COPS2: variants seen among roughly 807,000 people sequenced by gnomAD.
COPS2 encodes the protein COP9 signalosome subunit 2.
Under a neutral mutation model 66.1 loss-of-function variants are expected in COPS2, and 10 were observed. That is an observed-to-expected ratio of 0.15 (90% CI 0.09 to 0.26). COPS2 has a LOEUF of 0.26. Among genes scored for constraint, COPS2 ranks in the 10% least tolerant of loss-of-function variants. The pLI is 1.00. For missense variants in COPS2, 215 were observed against 513.3 expected (o/e 0.42, Z 5.62); for synonymous variants, 179 against 171.3 (o/e 1.04, Z -0.35).
At chr15:49,151,776 T>C (rs1056683451) in intron 1 of COPS2, among the ~76,000 whole-genome samples, 3 of 151,834 alleles carry the variant, frequency 2.0e-5, no homozygotes, top group East Asian at 1.9e-4. Flanking sequence ...TGATCATGCA[T>C]GTATGTTGAA....
chr15:49,133,012 G>A (rs867472631), intron 9 of COPS2, among the ~76,000 whole-genome samples: 74 of 136,018 alleles, frequency 5.4e-4, no homozygotes, highest in Middle Eastern at 4.4e-3. Context: ...TTTTTGAGAC[G>A]GAGTCTTGCT....
At chr15:49,137,590 A>G (rs1026440146) in intron 4 of COPS2, 153 bp from the exon 5 acceptor site, 66 of 581,218 alleles carry the variant, frequency 1.1e-4, no homozygotes, top group Non-Finnish European at 2.1e-5. Flanking sequence ...CCAAAAAATT[A>G]ACAAACTGAA....
chr15:49,127,042 T>C lies in COPS2; in HGVS notation c.*908A>G, dbSNP rs2084172067. ...TCATTTAGCTGTCTATGTTCTGGCA[T>C]ATTCGTTTAAAGTGAACATTCTGAG... On this transcript the variant is annotated 3_prime_UTR_variant, in exon 13 of 13. Coordinates refer to ENST00000388901, the MANE Select transcript of COPS2 (RefSeq NM_004236.4). 3 of 152,116 alleles carry C rather than the reference T, an allele frequency of 2.0e-5. No individual in the cohort carries two copies. Among genetic ancestry groups the C allele is most frequent in the Admixed American group, 2.0e-4 (3 of 15,268 alleles). 9.4% of individuals were successfully genotyped at this position (152,116 alleles called of 1,614,324 possible).
intron 1 of COPS2, among the ~76,000 whole-genome samples, chr15:49,153,245 G>A (rs774812725): frequency 1.3e-5 from 2 of 151,242 alleles, no homozygotes; most frequent in African/African-American, 2.4e-5. Context: ...GAGTAACACA[G>A]CAAAATCCCA....
At chr15:49,140,009 CAG>C (rs2084280594) in intron 3 of COPS2, among the ~76,000 whole-genome samples, 1 of 151,870 alleles carries the variant, frequency 6.6e-6, no homozygotes. Context: ...TTTTTTGAGA[CAG>C]AGTTTCACTC....
rs2084137811 is a variant in COPS2, at chr15:49,123,168, T to C, written c.*4782A>G. ...GGCAAACATTTGAACAGAAATTAGATACTCAACACTTGGCATTAATATGTT... is the reference window on the plus strand; with the variant it reads ...GGCAAACATTTGAACAGAAATTAGACACTCAACACTTGGCATTAATATGTT... On this transcript the variant is annotated 3_prime_UTR_variant, in exon 13 of 13. Transcript: ENST00000388901. 1 of 152,212 alleles carries C rather than the reference T, an allele frequency of 6.6e-6. No individual in the cohort carries two copies. Among genetic ancestry groups the C allele is most frequent in the Non-Finnish European group, 1.5e-5 (1 of 68,040 alleles). The allele number at this position is 152,212 out of a possible 1,614,324, so 9.4% of individuals were successfully genotyped here. A position where few individuals can be genotyped will look rare whatever the true frequency, so the allele number is the denominator to read the frequency against.
intron 3 of COPS2, among the ~76,000 whole-genome samples, chr15:49,139,894 T>C (rs571321175): frequency 1.3e-5 from 2 of 152,328 alleles, no homozygotes; most frequent in South Asian, 4.1e-4. Flanking sequence ...AACTGCTAAA[T>C]TTTCCAAATT....
At position 49,124,586 on chromosome 15, in the gene COPS2, T is replaced by A. The variant is rs1277209378; in HGVS notation, c.*3364A>T. On this transcript the variant is annotated 3_prime_UTR_variant, in exon 13 of 13. Transcript: ENST00000388901. Reference sequence around the variant, plus strand: ...AAACCTGATACTCCATCTCTTGTTCTGGATAGTGTTCTTAAACACTTTGAT... The same window carrying A: ...AAACCTGATACTCCATCTCTTGTTCAGGATAGTGTTCTTAAACACTTTGAT... 6.6e-6 allele frequency: 1 copy of A among 152,190 alleles called. No individual in the cohort carries two copies. Among genetic ancestry groups the A allele is most frequent in the Admixed American group, 6.5e-5 (1 of 15,282 alleles). 9.4% of individuals were successfully genotyped at this position (152,190 alleles called of 1,614,324 possible). A position where few individuals can be genotyped will look rare whatever the true frequency, so the allele number is the denominator to read the frequency against.
At chr15:49,146,071 T>C (rs2084319129) in intron 1 of COPS2, among the ~76,000 whole-genome samples, 1 of 152,188 alleles carries the variant, frequency 6.6e-6, no homozygotes, top group South Asian at 2.1e-4. Flanking sequence ...AAAAATTCTG[T>C]TACAGTCTCA....
intron 9 of COPS2, among the ~76,000 whole-genome samples, chr15:49,132,353 GCT>G (rs2084216876): frequency 6.7e-6 from 1 of 150,348 alleles, no homozygotes; most frequent in South Asian, 2.1e-4. Context: ...AAAAAAAAAC[GCT>G]TTTTTTTTTA....
chr15:49,151,746 AAC>A (rs1032007114), intron 1 of COPS2, among the ~76,000 whole-genome samples: 3 of 151,972 alleles, frequency 2.0e-5, no homozygotes, highest in African/African-American at 7.2e-5. Flanking sequence ...ATGAAAATCA[AAC>A]AGATCTTAGA....
At chr15:49,145,880 T>A (rs2084317707) in intron 1 of COPS2, among the ~76,000 whole-genome samples, 1 of 152,170 alleles carries the variant, frequency 6.6e-6, no homozygotes. Flanking sequence ...ATAATGGAAA[T>A]TATTATCTTA....
At chr15:49,138,218 C>A (rs2084267069) in intron 4 of COPS2, among the ~76,000 whole-genome samples, 1 of 152,146 alleles carries the variant, frequency 6.6e-6, no homozygotes, top group South Asian at 2.1e-4. Flanking sequence ...CCTGCCCACC[C>A]TCTTCCCCCC....
intron 1 of COPS2, among the ~76,000 whole-genome samples, chr15:49,151,655 T>C (rs566145280): frequency 6.6e-6 from 1 of 152,086 alleles, no homozygotes; most frequent in Non-Finnish European, 1.5e-5. Flanking sequence ...CCTGTAAAAT[T>C]AGCATTGCAT....
intron 1 of COPS2, among the ~76,000 whole-genome samples, chr15:49,145,887 CTTATGAGTCA>C (rs1331109281): frequency 2.0e-5 from 3 of 152,014 alleles, no homozygotes; most frequent in African/African-American, 7.2e-5. Flanking sequence ...AAATTATTAT[CTTATGAGTCA>C]TAAGATATAG....
chr15:49,155,399 C>A, intron 1 of COPS2, 126 bp downstream of exon 1: 1 of 833,962 alleles, frequency 1.2e-6, no homozygotes, highest in Non-Finnish European at 2.0e-6. Context: ...TAAACCAGTC[C>A]TGTCACCGCA....
chr15:49,130,206 G>C (rs1243287905), intron 10 of COPS2, among the ~76,000 whole-genome samples: 1 of 152,092 alleles, frequency 6.6e-6, no homozygotes. Context: ...GGGAAAATCG[G>C]AGCTATAAAA....
chr15:49,127,397 T>C lies in COPS2; in HGVS notation c.*553A>G, dbSNP rs2084175716. On this transcript the variant is annotated 3_prime_UTR_variant, in exon 13 of 13. Coordinates refer to ENST00000388901, the MANE Select transcript of COPS2 (RefSeq NM_004236.4). ...TTGCTGCTTGAAACCTAAGTGACAG[T>C]ATGCCACTATAATTATGGGGTTTCG... is the stretch of plus-strand genomic sequence containing the variant. 6.6e-6 allele frequency: 1 copy of C among 152,646 alleles called. No homozygotes were observed. The allele number at this position is 152,646 out of a possible 1,614,324, so 9.5% of individuals were successfully genotyped here.
rs185286825 is a variant in COPS2, at chr15:49,152,108, T to A, written c.54+3417A>T. Among the ~76,000 whole-genome samples the A allele has an allele frequency of 1.7e-3, 251 of 151,512 alleles. 2 individuals are homozygous for A. The highest frequency in any genetic ancestry group is 5.9e-3 in the African/African-American group (246 of 41,356). Reference sequence around the variant, plus strand: ...GATCAATTTTCCAAAAAACAATACATTTTTTATAAAAATAAATCTTGAGAA... The same window carrying A: ...GATCAATTTTCCAAAAAACAATACAATTTTTATAAAAATAAATCTTGAGAA... On this transcript the variant is annotated intron_variant, in intron 1 of 12. Coordinates refer to ENST00000388901, the MANE Select transcript of COPS2 (RefSeq NM_004236.4).
Sources: allele counts gnomAD v4.1 joint callset (sites outside exome capture counted in the v4.1 genomes callset), GRCh38; gene constraint gnomAD v4.1.1; transcripts MANE v1.5; gene names NCBI Gene and HGNC (gene_info 2026-07-23, HGNC 2026-07-21).